WDR19: variants seen among roughly 807,000 people sequenced by gnomAD.
The protein encoded by WDR19 is WD repeat-containing protein 19.
In WDR19, 121 loss-of-function variants were observed where a neutral mutation model predicts 180.0. The ratio of observed to expected loss-of-function variants is 0.67; its 90% CI spans 0.58 to 0.78. WDR19 has a LOEUF of 0.78. WDR19 is among the 30% of genes least tolerant of loss of function. The pLI, the probability that WDR19 is intolerant of heterozygous loss-of-function variation, is 0.00. For synonymous variants in WDR19, 497 were observed against 540.7 expected, an observed-to-expected ratio of 0.92 and a Z score of 1.12; for missense variants, 1,450 against 1,640.7, an observed-to-expected ratio of 0.88 and a Z score of 2.01.
chr4:39,249,076 T>C (rs1732849563), intron 24 of WDR19, among the ~76,000 whole-genome samples: 1 of 152,100 alleles, frequency 6.6e-6, no homozygotes, highest in South Asian at 2.1e-4. Flanking sequence ...TATTCCAAAA[T>C]TGACCACATA....
chr4:39,248,366 A>G (rs1234513240), intron 24 of WDR19, among the ~76,000 whole-genome samples: 1 of 152,254 alleles, frequency 6.6e-6, no homozygotes, highest in African/African-American at 2.4e-5. Flanking sequence ...TAAACATGGA[A>G]AGGAAGAACC....
intron 28 of WDR19, among the ~76,000 whole-genome samples, chr4:39,262,433 T>TTTTTGCTATG (rs1268385130): frequency 1.3e-5 from 2 of 151,928 alleles, no homozygotes; most frequent in East Asian, 3.9e-4. Flanking sequence ...TAGAGATGGG[T>TTTTTGCTATG]TTTTGCTATG....
At chr4:39,241,622 C>A (rs1037726034) in intron 21 of WDR19, among the ~76,000 whole-genome samples, 4 of 151,496 alleles carry the variant, frequency 2.6e-5, no homozygotes, top group African/African-American at 9.7e-5. Context: ...CATGGTTAAA[C>A]CCTGTCTCTA....
intron 36 of WDR19, among the ~76,000 whole-genome samples, chr4:39,281,215 G>GTGTGTGTGTGTGTGTATATATATATATA (rs1167602972): frequency 9.1e-6 from 1 of 110,118 alleles, no homozygotes; most frequent in African/African-American, 4.3e-5. Flanking sequence ...ATGTGTGTGT[G>GTGTGTGTGTGTGTGTATATATATATATA]TATATATATA....
At chr4:39,196,045 T>C (rs1214015515) in intron 5 of WDR19, among the ~76,000 whole-genome samples, 1 of 152,188 alleles carries the variant, frequency 6.6e-6, no homozygotes, top group African/African-American at 2.4e-5. Context: ...AGAGATTTTC[T>C]TCTCCCTTTC....
intron 24 of WDR19, among the ~76,000 whole-genome samples, chr4:39,251,917 A>T (rs1195789764): frequency 6.6e-6 from 1 of 152,206 alleles, no homozygotes; most frequent in African/African-American, 2.4e-5. Context: ...GTGGGACTGT[A>T]AACTAGTTCA....
At chr4:39,250,611 T>A (rs1733057475) in intron 24 of WDR19, among the ~76,000 whole-genome samples, 2 of 152,156 alleles carry the variant, frequency 1.3e-5, no homozygotes, top group Admixed American at 6.5e-5. Context: ...GAAAACCCCA[T>A]CGTCTCAGCC....
rs73133643 is a variant in WDR19 at position 39,194,760 on chromosome 4, A to G, written c.406+101A>G. On this transcript the variant is annotated intron_variant, in intron 5 of 36. Coordinates refer to ENST00000399820, the MANE Select transcript of WDR19 (RefSeq NM_025132.4). ...CCTGATCTTGCAATGGAAATTTTGC[A>G]GTACAAACCCCCTCCCCATGTCCCT... is the stretch of plus-strand genomic sequence containing the variant. 4 of 836,492 alleles carry G rather than the reference A, an allele frequency of 4.8e-6. No homozygotes were observed. In the African/African-American group the frequency reaches 5.1e-5, roughly 11 times the overall value. 51.8% of individuals were successfully genotyped at this position (836,492 alleles called of 1,614,324 possible).
intron 31 of WDR19, among the ~76,000 whole-genome samples, chr4:39,270,785 CTG>C (rs1468362149): frequency 6.6e-6 from 1 of 151,896 alleles, no homozygotes; most frequent in Non-Finnish European, 1.5e-5. Flanking sequence ...TTTATTTATT[CTG>C]TTAGTGGATT....
chr4:39,281,118 A>G (rs1285134990), intron 36 of WDR19, among the ~76,000 whole-genome samples: 2 of 151,774 alleles, frequency 1.3e-5, no homozygotes, highest in Non-Finnish European at 1.5e-5. Context: ...TCTGAATGGT[A>G]TCTTTTGATG....
In WDR19 at chr4:39,205,622, C is replaced by T. The variant is rs753373226; in HGVS notation, c.776C>T (p.Thr259Ile). The T allele has an allele frequency of 4.3e-6, 7 of 1,613,388 alleles. No individual in the cohort carries two copies. Among genetic ancestry groups the T allele is most frequent in the Non-Finnish European group, 5.9e-6 (7 of 1,179,646 alleles). ...FSCGHFVVIS[T>I]HTGELGQEIF... is the part of the protein sequence containing the mutation. ...TGTGGACATTTTGTGGTCATTTCTACTCATACTGGAGAGCTTGGTCAAGAG... is the reference window on the plus strand; with the variant it reads ...TGTGGACATTTTGTGGTCATTTCTATTCATACTGGAGAGCTTGGTCAAGAG... The change falls in exon 9 of 37, where the codon ACT becomes ATT. Residue 259 changes from threonine to isoleucine, a missense_variant. Transcript: ENST00000399820.
intron 27 of WDR19, among the ~76,000 whole-genome samples, 162 bp downstream of exon 27, chr4:39,256,122 C>T (rs1245389994): frequency 2.6e-5 from 4 of 151,112 alleles, no homozygotes; most frequent in Non-Finnish European, 5.9e-5. Flanking sequence ...CTCCCTCCCA[C>T]ACCCAGTCAC....
chr4:39,282,244 C>A (rs1279541636), intron 36 of WDR19, among the ~76,000 whole-genome samples: 2 of 152,198 alleles, frequency 1.3e-5, no homozygotes, highest in East Asian at 3.8e-4. Flanking sequence ...AATTTAGGGA[C>A]CATCCTAGAA....
chr4:39,229,943 G>T (rs1029938223), intron 17 of WDR19, among the ~76,000 whole-genome samples: 1 of 151,840 alleles, frequency 6.6e-6, no homozygotes, highest in African/African-American at 2.4e-5. Context: ...TCCTCCTCCC[G>T]TGTTCCCTCA....
intron 4 of WDR19, among the ~76,000 whole-genome samples, chr4:39,192,209 C>T (rs1726238983): frequency 6.6e-6 from 1 of 152,112 alleles, no homozygotes; most frequent in Non-Finnish European, 1.5e-5. Context: ...AGATCTTGTT[C>T]TTGTTATACA....
chr4:39,224,642 C>T (rs1332674920), intron 14 of WDR19, among the ~76,000 whole-genome samples: 6 of 152,048 alleles, frequency 3.9e-5, no homozygotes, highest in African/African-American at 7.2e-5. Context: ...GTGATCCGCC[C>T]GTCGTGGGCT....
intron 12 of WDR19, 63 bp from the exon 13 acceptor site, chr4:39,217,071 G>A (rs940561511): frequency 2.7e-6 from 3 of 1,123,060 alleles, no homozygotes; most frequent in South Asian, 3.2e-5. Flanking sequence ...AAAATTATTT[G>A]CAAGTAGGTA....
At chr4:39,242,782 C>G (rs935642840) in intron 21 of WDR19, among the ~76,000 whole-genome samples, 5 of 152,168 alleles carry the variant, frequency 3.3e-5, no homozygotes, top group African/African-American at 1.2e-4. Flanking sequence ...ATTCTCGTAC[C>G]TCTCAGCCTC....
chr4:39,251,160 G>T (rs1466084188), intron 24 of WDR19, among the ~76,000 whole-genome samples: 1 of 152,100 alleles, frequency 6.6e-6, no homozygotes, highest in Non-Finnish European at 1.5e-5. Flanking sequence ...CCAAAACAGA[G>T]ATATAGATCA....
Sources: gnomAD v4.1 joint callset for allele counts (sites outside exome capture counted in the v4.1 genomes callset) on GRCh38, gnomAD v4.1.1 for gene constraint, MANE v1.5 for transcripts, NCBI Gene and HGNC (gene_info 2026-07-23, HGNC 2026-07-21) for gene names.